CNKSR1: variants seen among roughly 807,000 people sequenced by gnomAD.
The protein encoded by CNKSR1 is connector enhancer of kinase suppressor of Ras 1, also known as CNK homolog protein 1.
Under a neutral mutation model 95.6 loss-of-function variants are expected in CNKSR1, and 88 were observed. That is an observed-to-expected ratio of 0.92 (90% confidence interval 0.78 to 1.10). CNKSR1 has a LOEUF of 1.10. Among genes scored for constraint, CNKSR1 ranks in the 50% least tolerant of loss-of-function variants. The pLI is 0.00. For synonymous variants in CNKSR1, 355 were observed against 369.7 expected, an observed-to-expected ratio of 0.96 and a Z score of 0.46; for missense variants, 836 against 912.0, an observed-to-expected ratio of 0.92 and a Z score of 1.07.
Position 26,188,291 on chromosome 1 carries a change from C to T in CNKSR1, c.1512C>T (p.Pro504=), listed in dbSNP as rs1229433663. 1.2e-6 allele frequency: 2 copies of T among 1,614,136 alleles called. No homozygotes were observed. Among genetic ancestry groups the T allele is most frequent in the Non-Finnish European group, 1.7e-6 (2 of 1,180,024 alleles). ...AGTACCAGTCTCCAGGCCGGGCCCC[C>T]CCACCCCGAGAGGAAGGTAGGTGTC... ...ISKYQSPGRA[P]PPREEDCYSE... is the part of the protein sequence containing the mutation. The change falls in exon 17 of 21, where the codon CCC becomes CCT. Residue 504 remains proline (P), a synonymous_variant. Coordinates refer to ENST00000361530, the MANE Select transcript of CNKSR1 (RefSeq NM_006314.3).
At chr1:26,182,688 GA>G in intron 6 of CNKSR1, 104 bp downstream of exon 6, 1 of 1,084,652 alleles carries the variant, frequency 9.2e-7, no homozygotes, top group South Asian at 1.3e-5. Context: ...GCCATGGCTG[GA>G]AAGCCTTTTT....
intron 3 of CNKSR1, among the ~76,000 whole-genome samples, chr1:26,181,404 T>A (rs531507686): frequency 6.7e-6 from 1 of 148,588 alleles, no homozygotes; most frequent in East Asian, 2.1e-4. Flanking sequence ...ATCGATCTCA[T>A]CAACAACCAC....
intron 8 of CNKSR1, 144 bp from the exon 9 acceptor site, chr1:26,183,585 G>A: frequency 1.0e-6 from 1 of 983,790 alleles, no homozygotes; most frequent in Non-Finnish European, 1.6e-6. Context: ...AGGTGATGGG[G>A]CCCATGGAAG....
rs762653995 is a variant in CNKSR1, at chr1:26,183,756, A to G, written c.781A>G (p.Arg261Gly). Residue 261 changes from arginine to glycine, a missense_variant, in exon 9 of 21, where the codon AGG becomes GGG. Coordinates refer to ENST00000361530, the MANE Select transcript of CNKSR1 (RefSeq NM_006314.3). The part of the protein sequence containing the change: ...VVGWPRKNMV[R>G]ELLREPAGLS... ...GGGATGGCCCCGTAAGAACATGGTG[A>G]GGGAACTGCTGCGGGAGCCAGCCGG... The G allele has an allele frequency of 6.2e-7, 1 of 1,613,352 alleles. No individual in the cohort carries two copies. Among genetic ancestry groups the G allele is most frequent in the Non-Finnish European group, 8.5e-7 (1 of 1,179,612 alleles).
At chr1:26,181,999 C>A in intron 4 of CNKSR1, 58 bp downstream of exon 4, 2 of 1,464,414 alleles carry the variant, frequency 1.4e-6, no homozygotes, top group Non-Finnish European at 1.9e-6. Context: ...TGGGCTAGAG[C>A]TTTTTATAAC....
rs377575975 is a variant in CNKSR1 at position 26,188,595 on chromosome 1, C to G, written c.1591-3C>G. 2.5e-6 allele frequency: 4 copies of G among 1,613,520 alleles called. No homozygotes were observed. Among genetic ancestry groups the G allele is most frequent in the African/African-American group, 1.3e-5 (1 of 74,926 alleles). On this transcript the variant is annotated splice_region_variant and splice_polypyrimidine_tract_variant and intron_variant, in intron 18 of 20. Transcript: ENST00000361530. Reference sequence around the variant, plus strand: ...CCCTCTGTGCTTTCCACCCTGCCTGCAGCCCAGCCCTGCTCAAGCTGGGAG... The same window carrying G: ...CCCTCTGTGCTTTCCACCCTGCCTGGAGCCCAGCCCTGCTCAAGCTGGGAG...
intron 14 of CNKSR1, among the ~76,000 whole-genome samples, chr1:26,186,001 T>A (rs2088743885): frequency 6.6e-6 from 1 of 152,144 alleles, no homozygotes; most frequent in Non-Finnish European, 1.5e-5. Flanking sequence ...GATTTTTGCT[T>A]CTCCAGAACT....
In CNKSR1 at chr1:26,189,092, C is replaced by T. The variant is rs141185771; in HGVS notation, c.1872+139C>T. 4.9e-4 allele frequency: 625 copies of T among 1,274,884 alleles called. 2 individuals are homozygous for T. In the African/African-American group the frequency reaches 7.0e-3, roughly 14 times the overall value. The allele number at this position is 1,274,884 out of a possible 1,614,324, so 79.0% of individuals were successfully genotyped here. On this transcript the variant is annotated intron_variant, in intron 20 of 20. Transcript: ENST00000361530. Reference sequence around the variant, plus strand: ...GGACCCTGGGCTTAGCAGCTGACAGCGGGCTCAGCTGTGGACTGGGCCAGG... The same window carrying T: ...GGACCCTGGGCTTAGCAGCTGACAGTGGGCTCAGCTGTGGACTGGGCCAGG...
rs1024036365 is a variant in CNKSR1 at position 26,187,916 on chromosome 1, C to T, written c.1455-318C>T. Among the ~76,000 whole-genome samples the T allele has an allele frequency of 3.3e-5, 5 of 151,988 alleles. No individual in the cohort carries two copies. In the South Asian group the frequency reaches 6.2e-4, roughly 19 times the overall value. Reference sequence around the variant, plus strand: ...GATTACAGGTGTGAGCCACTGCACCCGGCATCTCTCTTTTTTTTTAATTAA... The same window carrying T: ...GATTACAGGTGTGAGCCACTGCACCTGGCATCTCTCTTTTTTTTTAATTAA... On this transcript the variant is annotated intron_variant, in intron 16 of 20. Coordinates refer to ENST00000361530, the MANE Select transcript of CNKSR1 (RefSeq NM_006314.3).
chr1:26,178,005 T>G (rs1340332536), intron 1 of CNKSR1, among the ~76,000 whole-genome samples: 1 of 151,620 alleles, frequency 6.6e-6, no homozygotes, highest in Non-Finnish European at 1.5e-5. Context: ...GCTCTATCAG[T>G]CGGTCAGTCA....
intron 4 of CNKSR1, 38 bp downstream of exon 4, chr1:26,181,979 G>A (rs373805106): frequency 3.2e-6 from 5 of 1,576,888 alleles, no homozygotes; most frequent in Non-Finnish European, 3.5e-6. Flanking sequence ...CCATGCCCTA[G>A]AGACCAAGCT....
chr1:26,180,874 GC>G lies in CNKSR1; in HGVS notation c.373del (p.Leu125SerfsTer13). On this transcript the variant is annotated frameshift_variant, in exon 3 of 21. Coordinates refer to ENST00000361530, the MANE Select transcript of CNKSR1 (RefSeq NM_006314.3). LOFTEE classifies it high-confidence loss of function. ...AAVELLHEAD[A>X]LLFWLSRYLF... ...TGTGGAGCTGTTGCATGAAGCTGAC[GC>G]CCTCCTCTTCTGGCTCAGCAGGTAC... 6.2e-7 allele frequency: 1 copy of G among 1,614,206 alleles called. No homozygotes were observed. Among genetic ancestry groups the G allele is most frequent in the Non-Finnish European group, 8.5e-7 (1 of 1,180,040 alleles).
chr1:26,182,445 G>T, intron 5 of CNKSR1, 35 bp from the exon 6 acceptor site: 2 of 1,613,796 alleles, frequency 1.2e-6, no homozygotes, highest in Non-Finnish European at 8.5e-7. Context: ...AGGGGCGATC[G>T]GGCTCAGGCT....
In CNKSR1 at chr1:26,189,321, G is replaced by T. The variant is rs918396325; in HGVS notation, c.1915G>T (p.Asp639Tyr). ...ELQVLEEVLG[D>Y]PELTGEKFRQ... is the part of the protein sequence containing the mutation. ...GCAGGTCCTAGAAGAAGTGCTGGGT[G>T]ACCCTGAGCTGACAGGAGAGAAGTT... Residue 639 changes from aspartate to tyrosine, a missense_variant, in exon 21 of 21, where the codon GAC becomes TAC. Coordinates refer to ENST00000361530, the MANE Select transcript of CNKSR1 (RefSeq NM_006314.3). The T allele has an allele frequency of 1.2e-6, 2 of 1,614,034 alleles. No individual in the cohort carries two copies. Among genetic ancestry groups the T allele is most frequent in the Admixed American group, 1.7e-5 (1 of 60,010 alleles).
At chr1:26,179,897 A>C (rs2088617515) in intron 1 of CNKSR1, among the ~76,000 whole-genome samples, 1 of 152,094 alleles carries the variant, frequency 6.6e-6, no homozygotes, top group African/African-American at 2.4e-5. Flanking sequence ...GCACTTTCAG[A>C]GACTGAGGCA....
Position 26,181,938 on chromosome 1 carries a change from T to C in CNKSR1, c.474T>C (p.His158=), listed in dbSNP as rs375302474. The C allele has an allele frequency of 6.2e-7, 1 of 1,613,748 alleles. No individual in the cohort carries two copies. The highest frequency in any genetic ancestry group is 8.5e-7 in the Non-Finnish European group (1 of 1,179,810). Residue 158 remains histidine (H), a synonymous_variant, in exon 4 of 21, where the codon CAT becomes CAC. Transcript: ENST00000361530. The stretch of plus-strand genomic sequence containing the variant: ...TGGAGGAGCTGAGCCAGGTCTTGCA[T>C]GAGGTAGGAGAACCAAGGGCCAGGC... ...DLLEELSQVL[H]EDGPAAEKEG...
At chr1:26,183,605 G>C in intron 8 of CNKSR1, 124 bp from the exon 9 acceptor site, 1 of 1,005,906 alleles carries the variant, frequency 9.9e-7, no homozygotes, top group Admixed American at 1.7e-5. Flanking sequence ...GCCCCCAGGA[G>C]GCTGCATGAG....
intron 6 of CNKSR1, 135 bp from the exon 7 acceptor site, chr1:26,183,062 G>A: frequency 1.1e-6 from 1 of 890,812 alleles, no homozygotes; most frequent in South Asian, 1.3e-5. Context: ...CATACAGCAA[G>A]TCTGGGCAGG....
At chr1:26,181,997 A>G (rs2088655066) in intron 4 of CNKSR1, 56 bp downstream of exon 4, 1 of 1,473,352 alleles carries the variant, frequency 6.8e-7, no homozygotes, top group African/African-American at 1.4e-5. Context: ...GCTGGGCTAG[A>G]GCTTTTTATA....
Sources: gnomAD v4.1 joint callset for allele counts (sites outside exome capture counted in the v4.1 genomes callset) on GRCh38, gnomAD v4.1.1 for gene constraint, MANE v1.5 for transcripts, NCBI Gene and HGNC (gene_info 2026-07-23, HGNC 2026-07-21) for gene names.